The following DPP6 variants were observed in gnomAD, a reference collection of about 807,000 sequenced individuals.
DPP6 encodes the protein A-type potassium channel modulatory protein DPP6.
Under a neutral mutation model 122.6 loss-of-function variants are expected in DPP6, and 69 were observed. That is an observed-to-expected ratio of 0.56 (90% CI 0.46 to 0.69). DPP6 has a LOEUF of 0.69. Ranked by LOEUF, DPP6 falls within the 30% of genes least tolerant of loss-of-function variation. The probability of loss-of-function intolerance (pLI) is 0.00; values close to 1 mark genes in which losing one functional copy is unlikely to be tolerated. For missense variants in DPP6, 928 were observed against 1,116.9 expected, an observed-to-expected ratio of 0.83 and a Z score of 2.41; for synonymous variants, 418 against 433.1, an observed-to-expected ratio of 0.97 and a Z score of 0.43.
intron 5 of DPP6, among the ~76,000 whole-genome samples, chr7:154,599,800 T>C (rs574246328): frequency 1.1e-4 from 16 of 152,210 alleles, no homozygotes; most frequent in African/African-American, 3.6e-4. Flanking sequence ...GATAGTTTGC[T>C]CAGAATGATG....
rs1823494314 is a variant in DPP6 at position 154,483,379 on chromosome 7, CACAAT to C, written c.457+8348_457+8352del. On this transcript the variant is annotated intron_variant, in intron 3 of 25. Coordinates refer to ENST00000377770, the MANE Select transcript of DPP6 (RefSeq NM_130797.4). The surrounding 1 kb of genome is among the most constrained non-coding windows in gnomAD (Gnocchi z 8.1). ...TCTTTCTGTTAAAGGTAAACTGAGG[CACAAT>C]ACAATTTTTTTTTTTTTAAAAGCAT... is the stretch of plus-strand genomic sequence containing the variant. 7.8e-6 allele frequency among the ~76,000 whole-genome samples: 1 copy of C among 128,678 alleles called. No homozygotes were observed. The highest frequency in any genetic ancestry group is 1.6e-5 in the Non-Finnish European group (1 of 60,918). The allele number at this position is 128,678 out of a possible 152,430, so 84.4% of individuals were successfully genotyped here. A position where few individuals can be genotyped will look rare whatever the true frequency, so the allele number is the denominator to read the frequency against.
At chr7:153,871,112 G>T in the DPP6 span, among the ~76,000 whole-genome samples, 1 of 152,316 alleles carries the variant, frequency 6.6e-6, no homozygotes, top group South Asian at 2.1e-4. Context: ...CCCACGTGAG[G>T]AGGCAGTCTG....
chr7:154,509,837 A>G (rs1825927298), intron 3 of DPP6, among the ~76,000 whole-genome samples: 1 of 152,186 alleles, frequency 6.6e-6, no homozygotes, highest in South Asian at 2.1e-4. Context: ...GTCACAAATG[A>G]CTACAATATA....
rs71532695 is a variant in DPP6, at chr7:154,140,258, A to G, written c.243+87195A>G. Among the ~76,000 whole-genome samples the G allele has an allele frequency of 2.4e-4, 37 of 152,138 alleles. No homozygotes were observed. In the Middle Eastern group the frequency reaches 0.014, roughly 56 times the overall value. ...GGCCATATCTGATTAAACAACCATG[A>G]TTCTGTTTGCAAACACCAATCCACA... On this transcript the variant is annotated intron_variant, in intron 1 of 25. Transcript: ENST00000377770.
intron 1 of DPP6, among the ~76,000 whole-genome samples, chr7:154,208,867 A>T (rs543188288): frequency 6.0e-4 from 92 of 152,328 alleles, no homozygotes; most frequent in Non-Finnish European, 1.1e-3. Flanking sequence ...AGAATTTAGA[A>T]CATATTAAAT....
At chr7:154,061,921 G>A (rs1314173600) in intron 1 of DPP6, among the ~76,000 whole-genome samples, 7 of 131,496 alleles carry the variant, frequency 5.3e-5, no homozygotes, top group African/African-American at 8.5e-5. Context: ...CTGGCTCTGA[G>A]GACCCCCATC....
intron 3 of DPP6, among the ~76,000 whole-genome samples, chr7:154,526,093 G>A (rs986739019): frequency 2.6e-5 from 4 of 152,152 alleles, no homozygotes. Context: ...TTCTGATGAC[G>A]ATTACTGAGG....
chr7:154,013,277 A>G (rs561268160), intron 1 of DPP6, among the ~76,000 whole-genome samples: 1 of 152,092 alleles, frequency 6.6e-6, no homozygotes, highest in South Asian at 2.1e-4. Flanking sequence ...GTTACTCATG[A>G]CTCTATTATG....
intron 10 of DPP6, among the ~76,000 whole-genome samples, chr7:154,776,459 G>A (rs959664239): frequency 5.9e-5 from 9 of 152,008 alleles, no homozygotes; most frequent in South Asian, 2.1e-4. Flanking sequence ...GCCCCACCCC[G>A]CTTCCATTTT....
At chr7:154,212,097 T>G (rs1585643421) in intron 1 of DPP6, among the ~76,000 whole-genome samples, 1 of 152,122 alleles carries the variant, frequency 6.6e-6, no homozygotes, top group African/African-American at 2.4e-5. Context: ...CTCCATCACA[T>G]GGCTCATCAG....
chr7:153,840,608 A>G, the DPP6 span, among the ~76,000 whole-genome samples: 1 of 152,244 alleles, frequency 6.6e-6, no homozygotes, highest in Admixed American at 6.5e-5. Flanking sequence ...GGAAATAAAC[A>G]GTCAGAACTC....
chr7:154,240,881 T>G (rs1001209968), intron 1 of DPP6, among the ~76,000 whole-genome samples: 2 of 152,208 alleles, frequency 1.3e-5, no homozygotes, highest in Non-Finnish European at 2.9e-5. Flanking sequence ...GACCACTTGA[T>G]TCATTTGAAA....
chr7:153,966,123 C>T (rs1202222949), intron 1 of DPP6, among the ~76,000 whole-genome samples: 4 of 103,642 alleles, frequency 3.9e-5, no homozygotes, highest in Non-Finnish European at 6.1e-5. Flanking sequence ...GAATCAAAGA[C>T]GAATCATGAA....
intron 2 of DPP6, among the ~76,000 whole-genome samples, chr7:154,461,005 C>T (rs1821253460): frequency 6.6e-6 from 1 of 151,754 alleles, no homozygotes; most frequent in Non-Finnish European, 1.5e-5. Context: ...CCACCATCCA[C>T]CACTACCCTT....
At chr7:154,368,714 G>A (rs983203916) in intron 1 of DPP6, among the ~76,000 whole-genome samples, 2 of 152,266 alleles carry the variant, frequency 1.3e-5, no homozygotes, top group Middle Eastern at 3.4e-3. Context: ...AACATCGTTC[G>A]CAACAGTTGT....
chr7:154,051,725 G>T (rs1346790942), upstream of DPP6, among the ~76,000 whole-genome samples: 8 of 150,998 alleles, frequency 5.3e-5, no homozygotes, highest in African/African-American at 2.0e-4. Flanking sequence ...GCTCTCTGCG[G>T]GGCGCATCGC....
At chr7:154,018,117 A>G (rs1798517656) in intron 1 of DPP6, among the ~76,000 whole-genome samples, 1 of 151,332 alleles carries the variant, frequency 6.6e-6, no homozygotes, top group Admixed American at 6.6e-5. Context: ...GTGATTTGCA[A>G]CCCCCACTCC....
In DPP6 at chr7:153,923,718, G is replaced by A. The variant is rs954728794; in HGVS notation, c.51+35984G>A. The stretch of plus-strand genomic sequence containing the variant: ...ACAGCTTGCAGTGAGCTGAGATCGT[G>A]CCACTGCACTCCAGCCTGGGCAACA... On this transcript the variant is annotated intron_variant, in intron 1 of 25. Coordinates refer to the DPP6 transcript ENST00000404039. Among the ~76,000 whole-genome samples, 5 of 131,452 alleles carry A rather than the reference G, an allele frequency of 3.8e-5. No individual in the cohort carries two copies. In the East Asian group the frequency reaches 1.2e-3, roughly 31 times the overall value. 86.2% of individuals were successfully genotyped at this position (131,452 alleles called of 152,430 possible). A position where few individuals can be genotyped will look rare whatever the true frequency, so the allele number is the denominator to read the frequency against.
intron 1 of DPP6, among the ~76,000 whole-genome samples, chr7:153,913,136 A>G (rs1168333312): frequency 6.6e-6 from 1 of 152,196 alleles, no homozygotes; most frequent in African/African-American, 2.4e-5. Context: ...GTGCGGTGGC[A>G]CGATCTCAAC....
Sources: allele counts gnomAD v4.1 joint callset (sites outside exome capture counted in the v4.1 genomes callset), GRCh38; gene constraint gnomAD v4.1.1; non-coding constraint Gnocchi (gnomAD v3.1); transcripts MANE v1.5; gene names NCBI Gene and HGNC (gene_info 2026-07-23, HGNC 2026-07-21).